The following CACNA2D1 variants were observed in gnomAD, a reference collection of about 807,000 sequenced individuals.
The protein encoded by CACNA2D1 is calcium voltage-gated channel auxiliary subunit alpha2delta 1, also known as voltage-dependent calcium channel subunit alpha-2/delta-1.
A neutral mutation model predicts 171.5 loss-of-function variants in CACNA2D1; 53 were observed. The ratio of observed to expected loss-of-function variants is 0.31; its 90% CI spans 0.25 to 0.39. The LOEUF (loss-of-function observed/expected upper bound fraction) is 0.39. CACNA2D1 is among the 10% of genes least tolerant of loss of function. CACNA2D1 has a pLI of 1.00. For missense variants in CACNA2D1, 903 were observed against 1,299.8 expected, an observed-to-expected ratio of 0.69 and a Z score of 4.69; for synonymous variants, 442 against 443.1, an observed-to-expected ratio of 1.00 and a Z score of 0.03.
intron 4 of CACNA2D1, among the ~76,000 whole-genome samples, chr7:82,169,215 A>G (rs1795771363): frequency 6.6e-6 from 1 of 152,080 alleles, no homozygotes; most frequent in Admixed American, 6.6e-5. Context: ...ATGAGCTTAC[A>G]GTTTGCTCGA....
intron 2 of CACNA2D1, among the ~76,000 whole-genome samples, chr7:82,346,736 T>C (rs1453348994): frequency 6.6e-6 from 1 of 152,178 alleles, no homozygotes; most frequent in Non-Finnish European, 1.5e-5. Context: ...AGTAGATCAT[T>C]GTTAGTGGCA....
At chr7:82,177,066 C>CTTT (rs1235592877) in intron 3 of CACNA2D1, among the ~76,000 whole-genome samples, 1 of 23,370 alleles carries the variant, frequency 4.3e-5, no homozygotes, top group Non-Finnish European at 7.8e-5. Flanking sequence ...CTACAGGTCT[C>CTTT]TATTTTTTTT....
At chr7:82,316,967 C>T (rs1366622169) in intron 3 of CACNA2D1, among the ~76,000 whole-genome samples, 1 of 152,052 alleles carries the variant, frequency 6.6e-6, no homozygotes, top group Non-Finnish European at 1.5e-5. Flanking sequence ...GGGACACAGC[C>T]AAACCATATC....
rs553830746 is a variant in CACNA2D1 at position 82,244,187 on chromosome 7, A to G, written c.295-73578T>C. On this transcript the variant is annotated intron_variant, in intron 3 of 38. Coordinates refer to ENST00000356860, the MANE Select transcript of CACNA2D1 (RefSeq NM_000722.4). ...GGAAACAACATGCATTCTTGTTATT[A>G]AAATTTTCATTTTAATCTCGATAAA... 1.1e-4 allele frequency among the ~76,000 whole-genome samples: 17 copies of G among 152,254 alleles called. No homozygotes were observed. In the South Asian group the frequency reaches 1.7e-3, roughly 15 times the overall value.
Position 82,282,501 on chromosome 7 carries a change from C to T in CACNA2D1, c.294+52634G>A, listed in dbSNP as rs555440821. On this transcript the variant is annotated intron_variant, in intron 3 of 38. Transcript: ENST00000356860. Reference sequence around the variant, plus strand: ...TTGACCCCTTTGAGACAGGTAAGAGCTGTGGGCAGGAAGGTTAGCAGGATT... The same window carrying T: ...TTGACCCCTTTGAGACAGGTAAGAGTTGTGGGCAGGAAGGTTAGCAGGATT... 2.0e-5 allele frequency among the ~76,000 whole-genome samples: 3 copies of T among 152,192 alleles called. No homozygotes were observed. The South Asian group carries it at 6.2e-4, about 32-fold the overall frequency.
intron 15 of CACNA2D1, among the ~76,000 whole-genome samples, chr7:82,010,481 A>C (rs1799656832): frequency 6.6e-6 from 1 of 152,024 alleles, no homozygotes; most frequent in East Asian, 1.9e-4. Context: ...CTTACCAGCA[A>C]TGCAGACATG....
At chr7:82,333,464 G>A (rs561993470) in intron 3 of CACNA2D1, among the ~76,000 whole-genome samples, 13 of 146,260 alleles carry the variant, frequency 8.9e-5, no homozygotes, top group African/African-American at 3.4e-4. Flanking sequence ...AGGCAAAGGA[G>A]GAGCAAAGTC....
chr7:82,083,047 T>C (rs1008644837), intron 7 of CACNA2D1, among the ~76,000 whole-genome samples: 25 of 152,044 alleles, frequency 1.6e-4, no homozygotes, highest in Non-Finnish European at 2.8e-4. Flanking sequence ...TCTCCTCTTC[T>C]TGTTTTTCTC....
chr7:81,977,137 A>G lies in CACNA2D1; in HGVS notation c.1956-2585T>C, dbSNP rs576973336. 4.6e-5 allele frequency among the ~76,000 whole-genome samples: 7 copies of G among 152,256 alleles called. No homozygotes were observed. In the East Asian group the frequency reaches 1.2e-3, roughly 25 times the overall value. On this transcript the variant is annotated intron_variant, in intron 24 of 38. Coordinates refer to ENST00000356860, the MANE Select transcript of CACNA2D1 (RefSeq NM_000722.4). ...GCATCCTTGTCTTGTGCCTTTTTCA[A>G]AGGGAATGCTTCCAGCTTTTGCCCA...
chr7:81,959,458 T>C, intron 37 of CACNA2D1, 101 bp from the exon 38 acceptor site: 1 of 837,448 alleles, frequency 1.2e-6, no homozygotes, highest in Admixed American at 1.9e-5. Context: ...AGAGATAACT[T>C]ATACATCATT....
chr7:82,366,903 C>CTTTTTTTTTTT lies in CACNA2D1; in HGVS notation c.96-17265_96-17255dup, dbSNP rs71093376. On this transcript the variant is annotated intron_variant, in intron 1 of 38. Coordinates refer to ENST00000356860, the MANE Select transcript of CACNA2D1 (RefSeq NM_000722.4). Reference sequence around the variant, plus strand: ...CCTGCCAGCATCCACTGGTTTTGACCTTTTTTTTTTTTTTTTTTTTTTTGA... The same window carrying CTTTTTTTTTTT: ...CCTGCCAGCATCCACTGGTTTTGACCTTTTTTTTTTTTTTTTTTTTTTTTTTTTTTTTTTGA... Among the ~76,000 whole-genome samples the CTTTTTTTTTTT allele has an allele frequency of 3.2e-4, 28 of 86,966 alleles. 3 individuals are homozygous for CTTTTTTTTTTT. Among genetic ancestry groups the CTTTTTTTTTTT allele is most frequent in the South Asian group, 5.3e-4 (1 of 1,904 alleles). The allele number at this position is 86,966 out of a possible 152,430, so 57.1% of individuals were successfully genotyped here.
chr7:82,315,187 A>G lies in CACNA2D1; in HGVS notation c.294+19948T>C, dbSNP rs575094103. On this transcript the variant is annotated intron_variant, in intron 3 of 38. Transcript: ENST00000356860. Reference sequence around the variant, plus strand: ...AACGTGTCGTGTCTCTTAAAGTTGTATCAATTGGATTTAGGAGGGCAAGAG... The same window carrying G: ...AACGTGTCGTGTCTCTTAAAGTTGTGTCAATTGGATTTAGGAGGGCAAGAG... Among the ~76,000 whole-genome samples, 4 of 152,174 alleles carry G rather than the reference A, an allele frequency of 2.6e-5. No individual in the cohort carries two copies. The South Asian group carries it at 8.3e-4, about 32-fold the overall frequency.
chr7:82,162,883 A>G (rs1455758013), intron 4 of CACNA2D1, among the ~76,000 whole-genome samples: 3 of 151,980 alleles, frequency 2.0e-5, no homozygotes, highest in Non-Finnish European at 2.9e-5. Context: ...CCCCATGCCT[A>G]TATTAATCAT....
intron 3 of CACNA2D1, among the ~76,000 whole-genome samples, chr7:82,194,406 C>CA (rs1208926623): frequency 6.6e-6 from 1 of 151,900 alleles, no homozygotes; most frequent in African/African-American, 2.4e-5. Context: ...AAAAACAAAA[C>CA]AAAAAAGTTT....
intron 3 of CACNA2D1, among the ~76,000 whole-genome samples, chr7:82,203,849 C>T (rs541328017): frequency 6.6e-6 from 1 of 151,658 alleles, no homozygotes; most frequent in Non-Finnish European, 1.5e-5. Context: ...AGACAACTTA[C>T]CTAATAGCAG....
chr7:82,391,120 G>A (rs999433155), intron 1 of CACNA2D1, among the ~76,000 whole-genome samples: 1 of 152,064 alleles, frequency 6.6e-6, no homozygotes, highest in African/African-American at 2.4e-5. Flanking sequence ...CTTACCATCT[G>A]CTGTTTGTAC....
At chr7:82,387,665 G>A (rs926954016) in intron 1 of CACNA2D1, among the ~76,000 whole-genome samples, 1 of 152,144 alleles carries the variant, frequency 6.6e-6, no homozygotes, top group Non-Finnish European at 1.5e-5. Flanking sequence ...AAATGACCAA[G>A]AGCACAATAG....
chr7:82,328,155 T>C (rs1436722870), intron 3 of CACNA2D1, among the ~76,000 whole-genome samples: 2 of 152,188 alleles, frequency 1.3e-5, no homozygotes, highest in African/African-American at 2.4e-5. Context: ...TAAATAAAAG[T>C]AATCTCAATT....
chr7:82,417,878 A>G (rs899329168), intron 1 of CACNA2D1, among the ~76,000 whole-genome samples: 1 of 152,200 alleles, frequency 6.6e-6, no homozygotes, highest in East Asian at 1.9e-4. Flanking sequence ...TAACATATTT[A>G]CGTTTTGTAA....
Sources: allele counts gnomAD v4.1 joint callset (sites outside exome capture counted in the v4.1 genomes callset), GRCh38; gene constraint gnomAD v4.1.1; transcripts MANE v1.5; gene names NCBI Gene and HGNC (gene_info 2026-07-23, HGNC 2026-07-21).